Variants in AZIN2 observed in about 807,000 individuals in gnomAD.
AZIN2 encodes the protein ODC antizyme inhibitor-2.
In AZIN2, 28 loss-of-function variants were observed where a neutral mutation model predicts 47.8. The observed-to-expected ratio is 0.59, with a 90% CI of 0.43 to 0.80. AZIN2 has a LOEUF of 0.80. AZIN2 is among the 30% of genes least tolerant of loss of function. The probability of loss-of-function intolerance (pLI) is 0.00; values close to 1 mark genes in which losing one functional copy is unlikely to be tolerated. For synonymous variants in AZIN2, 221 were observed against 239.4 expected (o/e 0.92, Z 0.71); for missense variants, 535 against 582.5 (o/e 0.92, Z 0.84).
Position 33,120,473 on chromosome 1 carries a change from C to T in AZIN2, c.*291C>T, listed in dbSNP as rs552182025. 1.6e-4 allele frequency: 62 copies of T among 381,906 alleles called. No individual in the cohort carries two copies. The East Asian group carries it at 2.1e-3, about 13-fold the overall frequency. 23.7% of individuals were successfully genotyped at this position (381,906 alleles called of 1,614,324 possible). On this transcript the variant is annotated 3_prime_UTR_variant, in exon 12 of 12. Coordinates refer to ENST00000294517, the MANE Select transcript of AZIN2 (RefSeq NM_052998.4). ...TGTTCTTGGGGTCTCCTTTGGTCTC[C>T]TTCCCACCTTTGTAAATATAATGCA... is the stretch of plus-strand genomic sequence containing the variant.
At chr1:33,147,126 C>G in the AZIN2 span, 18 of 1,581,692 alleles carry the variant, frequency 1.1e-5, no homozygotes, top group Non-Finnish European at 1.3e-5. This position sits in a 1 kb window ranked among gnomAD's most constrained non-coding sequence, Gnocchi z 8.1. Flanking sequence ...CTGGGCAGGG[C>G]TCTTGCAGGT....
At chr1:33,112,142 G>T (rs936449408) in intron 10 of AZIN2, among the ~76,000 whole-genome samples, 2 of 152,126 alleles carry the variant, frequency 1.3e-5, no homozygotes, top group African/African-American at 4.8e-5. Context: ...GTGAGGATAT[G>T]GTGTAGTTGG....
intron 10 of AZIN2, chr1:33,101,746 A>G: frequency 1.5e-6 from 1 of 683,540 alleles, no homozygotes. Flanking sequence ...GAGTGTATTT[A>G]TAATTTATTA....
At chr1:33,158,381 C>G in the AZIN2 span, 1 of 1,610,410 alleles carries the variant, frequency 6.2e-7, no homozygotes, top group South Asian at 1.1e-5. Context: ...GGAAGGAGAG[C>G]AGGAAAGGGG....
At chr1:33,147,757 G>A in the AZIN2 span, 4 of 1,593,898 alleles carry the variant, frequency 2.5e-6, no homozygotes, top group Non-Finnish European at 3.4e-6. The surrounding 1 kb of genome is among the most constrained non-coding windows in gnomAD (Gnocchi z 8.1). Flanking sequence ...GAGAGAAGAT[G>A]AGTGGGGAGA....
chr1:33,147,103 G>A, the AZIN2 span: 9 of 1,535,912 alleles, frequency 5.9e-6, no homozygotes, highest in African/African-American at 1.2e-4. This position sits in a 1 kb window ranked among gnomAD's most constrained non-coding sequence, Gnocchi z 8.1. Context: ...CTGGAGTCCA[G>A]GTCTTCTATC....
At chr1:33,147,021 G>T in the AZIN2 span, 1 of 717,044 alleles carries the variant, frequency 1.4e-6, no homozygotes, top group Non-Finnish European at 2.3e-6. The surrounding 1 kb of genome is among the most constrained non-coding windows in gnomAD (Gnocchi z 8.1). Flanking sequence ...AGTAGGGAAT[G>T]CAACCTCCAT....
At chr1:33,093,487 A>T (rs1642803428) in intron 7 of AZIN2, 71 bp downstream of exon 7, 1 of 1,553,448 alleles carries the variant, frequency 6.4e-7, no homozygotes, top group Admixed American at 1.9e-5. Flanking sequence ...AATTAATTCT[A>T]TATGAGACCT....
chr1:33,082,117 G>A, intron 3 of AZIN2, 61 bp from the exon 4 acceptor site: 1 of 739,464 alleles, frequency 1.4e-6, no homozygotes, highest in Non-Finnish European at 2.3e-6. Context: ...GGCCTCGGGA[G>A]GCGAGTGGGG....
At chr1:33,161,896 T>G in the AZIN2 span, among the ~76,000 whole-genome samples, 2 of 152,130 alleles carry the variant, frequency 1.3e-5, no homozygotes, top group South Asian at 4.1e-4. This position sits in a 1 kb window ranked among gnomAD's most constrained non-coding sequence, Gnocchi z 4.3. Context: ...TCGGGGCTCA[T>G]CCAGGTCAGC....
At chr1:33,095,191 A>AGGTC (rs1296511077) in intron 8 of AZIN2, among the ~76,000 whole-genome samples, 1 of 152,188 alleles carries the variant, frequency 6.6e-6, no homozygotes, top group African/African-American at 2.4e-5. Context: ...CAACCACTAG[A>AGGTC]GGTCGCCTCT....
In AZIN2 at chr1:33,107,319, C is replaced by T. The variant is rs555179916; in HGVS notation, c.1029+9140C>T. ...ACAAAGGCCGGCGCAGTGGCTCATG[C>T]CTGTAACCCCAGCACTTTGGGAGGC... On this transcript the variant is annotated intron_variant, in intron 10 of 11. Transcript: ENST00000294517. Among the ~76,000 whole-genome samples, 55 of 151,866 alleles carry T rather than the reference C, an allele frequency of 3.6e-4. 1 individual carries two copies. The highest frequency in any genetic ancestry group is 1.2e-3 in the African/African-American group (51 of 41,374).
chr1:33,128,280 GGGA>G (rs1303751892), downstream of AZIN2, among the ~76,000 whole-genome samples: 2 of 152,004 alleles, frequency 1.3e-5, no homozygotes, highest in Non-Finnish European at 2.9e-5. Context: ...AGGCTGAGGT[GGGA>G]GGAGGATTGC....
chr1:33,098,920 T>G (rs1208686669), intron 10 of AZIN2, among the ~76,000 whole-genome samples: 1 of 152,054 alleles, frequency 6.6e-6, no homozygotes, highest in Non-Finnish European at 1.5e-5. Flanking sequence ...CCCGCCACCA[T>G]GCCTGGCTAA....
At chr1:33,159,015 A>T in the AZIN2 span, among the ~76,000 whole-genome samples, 1 of 149,890 alleles carries the variant, frequency 6.7e-6, no homozygotes, top group Non-Finnish European at 1.5e-5. The surrounding 1 kb of genome is among the most constrained non-coding windows in gnomAD (Gnocchi z 4.2). Context: ...TAATTTTTGT[A>T]TTTTTTTTTA....
At chr1:33,094,262 T>C (rs985845215) in intron 7 of AZIN2, among the ~76,000 whole-genome samples, 2 of 152,188 alleles carry the variant, frequency 1.3e-5, no homozygotes, top group African/African-American at 2.4e-5. Context: ...CCCTGCTGAC[T>C]GGGAGGCACA....
the AZIN2 span, chr1:33,146,930 C>G: frequency 1.8e-6 from 1 of 541,150 alleles, no homozygotes; most frequent in Non-Finnish European, 3.3e-6. Context: ...TGAGGAGAAG[C>G]CATGTCACAT....
At chr1:33,149,275 C>T in the AZIN2 span, among the ~76,000 whole-genome samples, 1 of 152,186 alleles carries the variant, frequency 6.6e-6, no homozygotes, top group Admixed American at 6.5e-5. Flanking sequence ...GCCTCAGCCT[C>T]TCGAGTAGTT....
chr1:33,159,037 G>A, the AZIN2 span, among the ~76,000 whole-genome samples: 1 of 151,840 alleles, frequency 6.6e-6, no homozygotes, highest in African/African-American at 2.4e-5. The surrounding 1 kb of genome is among the most constrained non-coding windows in gnomAD (Gnocchi z 4.2). Context: ...TAGAGACGGG[G>A]TTTCACCATG....
Sources: allele counts gnomAD v4.1 joint callset (sites outside exome capture counted in the v4.1 genomes callset), GRCh38; gene constraint gnomAD v4.1.1; non-coding constraint Gnocchi (gnomAD v3.1); transcripts MANE v1.5; gene names NCBI Gene and HGNC (gene_info 2026-07-23, HGNC 2026-07-21).